Variants in CYLD observed in about 807,000 individuals in gnomAD.
The protein encoded by CYLD is CYLD lysine 63 deubiquitinase, also known as ubiquitin carboxyl-terminal hydrolase CYLD.
CYLD carries 26 observed loss-of-function variants against 104.5 expected under a neutral mutation model. The ratio of observed to expected loss-of-function variants is 0.25; its 90% CI spans 0.18 to 0.35. CYLD has a LOEUF of 0.35. CYLD is among the 10% of genes least tolerant of loss of function. The pLI is 1.00. For missense variants in CYLD, 703 were observed against 1,136.1 expected, an observed-to-expected ratio of 0.62 and a Z score of 5.48; for synonymous variants, 385 against 399.9, an observed-to-expected ratio of 0.96 and a Z score of 0.45.
intron 5 of CYLD, among the ~76,000 whole-genome samples, chr16:50,755,161 ACGTGTACATATGTG>A (rs1567427393): frequency 9.2e-5 from 13 of 140,848 alleles, no homozygotes; most frequent in African/African-American, 2.5e-4. Context: ...GTATATACAC[ACGTGTACATATGTG>A]TGTGTATATA....
In CYLD at chr16:50,754,455, G is replaced by A. The variant is rs78544610; in HGVS notation, c.913+31G>A. On this transcript the variant is annotated intron_variant, in intron 5 of 18. Coordinates refer to ENST00000427738, the MANE Select transcript of CYLD (RefSeq NM_001378743.1). ...TTTTCTTTGTTTTATACATTTATAA[G>A]GCAAACTTTATTTTTTAATTTTTTA... is the stretch of plus-strand genomic sequence containing the variant. 3,842 of 1,424,566 alleles carry A rather than the reference G, an allele frequency of 2.7e-3. 100 individuals carry two copies. In the African/African-American group the frequency reaches 0.048, roughly 18 times the overall value. The allele number at this position is 1,424,566 out of a possible 1,614,324, so 88.2% of individuals were successfully genotyped here. A position where few individuals can be genotyped will look rare whatever the true frequency, so the allele number is the denominator to read the frequency against.
intron 5 of CYLD, among the ~76,000 whole-genome samples, chr16:50,770,453 C>CTTTT (rs1187147281): frequency 7.0e-6 from 1 of 142,012 alleles, no homozygotes. Flanking sequence ...TTCTTTCTTT[C>CTTTT]TTTTTTTTTT....
intron 8 of CYLD, among the ~76,000 whole-genome samples, chr16:50,779,015 C>T (rs1969956677): frequency 6.6e-6 from 1 of 152,088 alleles, no homozygotes; most frequent in African/African-American, 2.4e-5. Context: ...TCTTAAATTA[C>T]ATTCTGTGTT....
intron 5 of CYLD, among the ~76,000 whole-genome samples, chr16:50,770,774 G>T (rs928914462): frequency 2.6e-5 from 4 of 152,076 alleles, no homozygotes; most frequent in Non-Finnish European, 4.4e-5. Flanking sequence ...TTGAGTGAAA[G>T]GTGTCCTCAT....
chr16:50,776,111 C>CT, intron 6 of CYLD, 68 bp from the exon 7 acceptor site: 1 of 1,136,398 alleles, frequency 8.8e-7, no homozygotes, highest in Non-Finnish European at 1.3e-6. Context: ...TATTTTGTTA[C>CT]TGTCATTCCT....
chr16:50,773,047 A>C (rs957614795), intron 5 of CYLD, among the ~76,000 whole-genome samples: 2 of 152,216 alleles, frequency 1.3e-5, no homozygotes, highest in African/African-American at 4.8e-5. Flanking sequence ...CGGGTTTAAT[A>C]ATACCTCATT....
chr16:50,742,249 G>A (rs1040940105), intron 1 of CYLD, 125 bp downstream of exon 1: 3 of 151,116 alleles, frequency 2.0e-5, no homozygotes, highest in African/African-American at 7.3e-5. Flanking sequence ...GGCGGCCGGC[G>A]GGCGGCCGGA....
At chr16:50,756,191 C>CTA (rs1307977427) in intron 5 of CYLD, among the ~76,000 whole-genome samples, 17 of 152,096 alleles carry the variant, frequency 1.1e-4, no homozygotes, top group African/African-American at 3.6e-4. Flanking sequence ...ATAAGGGTGG[C>CTA]ATTAATATGT....
intron 15 of CYLD, 25 bp downstream of exon 15, chr16:50,791,715 T>G: frequency 6.2e-7 from 1 of 1,612,922 alleles, no homozygotes; most frequent in South Asian, 1.1e-5. Context: ...CCTGTGGTAT[T>G]TTATGTGAAA....
rs538530951 is a variant in CYLD at position 50,748,954 on chromosome 16, T to G, written c.-123-622T>G. 2.4e-4 allele frequency among the ~76,000 whole-genome samples: 36 copies of G among 152,278 alleles called. 1 individual carries two copies. Among genetic ancestry groups the G allele is most frequent in the African/African-American group, 8.4e-4 (35 of 41,566 alleles). ...TGGTGGCTTACGACTGTAATCCCAGTGCGTTGGGAGGCCAAGACAGGAGGA... is the reference window on the plus strand; with the variant it reads ...TGGTGGCTTACGACTGTAATCCCAGGGCGTTGGGAGGCCAAGACAGGAGGA... On this transcript the variant is annotated intron_variant, in intron 2 of 18. Coordinates refer to ENST00000427738, the MANE Select transcript of CYLD (RefSeq NM_001378743.1).
At chr16:50,786,615 C>G in intron 12 of CYLD, 1 of 411,282 alleles carries the variant, frequency 2.4e-6, no homozygotes, top group South Asian at 2.6e-5. Context: ...CAAAAATTAG[C>G]TGGATGTGGT....
At chr16:50,782,182 C>G (rs983312685) in intron 10 of CYLD, 143 bp from the exon 11 acceptor site, 2 of 635,720 alleles carry the variant, frequency 3.1e-6, no homozygotes, top group African/African-American at 3.7e-5. Context: ...TAGCAGTTAA[C>G]CAAAGCCTAC....
chr16:50,783,408 G>A lies in CYLD; in HGVS notation c.1827-921G>A, dbSNP rs375367391. On this transcript the variant is annotated intron_variant, in intron 11 of 18. Coordinates refer to ENST00000427738, the MANE Select transcript of CYLD (RefSeq NM_001378743.1). ...AAAGTAGGAAGAAGAATAAAGTGGC[G>A]GCCATTTTATTTGCAGAATACTTTG... Among the ~76,000 whole-genome samples, 86 of 152,206 alleles carry A rather than the reference G, an allele frequency of 5.7e-4. 1 individual carries two copies. Among genetic ancestry groups the A allele is most frequent in the African/African-American group, 1.5e-3 (64 of 41,522 alleles).
intron 2 of CYLD, among the ~76,000 whole-genome samples, chr16:50,743,292 GC>G (rs1036221483): frequency 6.6e-6 from 1 of 152,092 alleles, no homozygotes; most frequent in African/African-American, 2.4e-5. Context: ...ACCCCCTCAC[GC>G]CCCAAGTAGA....
At position 50,799,838 on chromosome 16, in the gene CYLD, G is replaced by A. The variant is rs1305186431; in HGVS notation, c.*3330G>A. 7.7e-5 allele frequency: 18 copies of A among 233,050 alleles called. No individual in the cohort carries two copies. Among genetic ancestry groups the A allele is most frequent in the Non-Finnish European group, 5.9e-5 (7 of 118,006 alleles). 14.4% of individuals were successfully genotyped at this position (233,050 alleles called of 1,614,324 possible). On this transcript the variant is annotated 3_prime_UTR_variant, in exon 19 of 19. Coordinates refer to ENST00000427738, the MANE Select transcript of CYLD (RefSeq NM_001378743.1). ...ATGATTGTAGACTGAGATGTGAGTG[G>A]AGGATAAAGTATTAGACTTTTGCTG...
chr16:50,751,617 G>A lies in CYLD; in HGVS notation c.518G>A (p.Gly173Asp), dbSNP rs12599808. The change falls in exon 4 of 19, where the codon GGT becomes GAT. Residue 173 changes from glycine to aspartate, a missense_variant. Coordinates refer to ENST00000427738, the MANE Select transcript of CYLD (RefSeq NM_001378743.1). ...FGVELLEEGR[G>D]QGFTDGVYQG... ...CTTAAAAACTAGGAAGAAGGTCGTG[G>A]TCAAGGTTTCACTGACGGGGTGTAC... The A allele has an allele frequency of 1.2e-6, 2 of 1,613,350 alleles. No individual in the cohort carries two copies. Among genetic ancestry groups the A allele is most frequent in the East Asian group, 4.5e-5 (2 of 44,866 alleles).
rs1173591124 is a variant in CYLD, at chr16:50,787,023, G to A, written c.2041+77G>A. On this transcript the variant is annotated intron_variant, in intron 13 of 18. Transcript: ENST00000427738. ...TGTCAAAGTATTAGCTGAAATGTGT[G>A]TCTGTGTAGTTGGGGGGTTTTCTTT... 3 of 1,206,030 alleles carry A rather than the reference G, an allele frequency of 2.5e-6. No individual in the cohort carries two copies. In the African/African-American group the frequency reaches 4.5e-5, roughly 18 times the overall value. 74.7% of individuals were successfully genotyped at this position (1,206,030 alleles called of 1,614,324 possible). A position where few individuals can be genotyped will look rare whatever the true frequency, so the allele number is the denominator to read the frequency against.
intron 4 of CYLD, 41 bp downstream of exon 4, chr16:50,751,947 T>C (rs1966655419): frequency 3.3e-6 from 3 of 906,106 alleles, no homozygotes; most frequent in Non-Finnish European, 4.8e-6. Flanking sequence ...GATATATATA[T>C]TAGTTTATAT....
chr16:50,770,293 T>C (rs1969003774), intron 5 of CYLD, among the ~76,000 whole-genome samples: 1 of 152,200 alleles, frequency 6.6e-6, no homozygotes, highest in Non-Finnish European at 1.5e-5. Context: ...CTGTATCCTT[T>C]CCAGCATTTG....
Sources: allele counts gnomAD v4.1 joint callset (sites outside exome capture counted in the v4.1 genomes callset), GRCh38; gene constraint gnomAD v4.1.1; transcripts MANE v1.5; gene names NCBI Gene and HGNC (gene_info 2026-07-23, HGNC 2026-07-21).